The following ANKS1B variants were observed in gnomAD, a reference collection of about 807,000 sequenced individuals.
The protein encoded by ANKS1B is ankyrin repeat and sterile alpha motif domain containing 1B.
Under a neutral mutation model 148.3 loss-of-function variants are expected in ANKS1B, and 36 were observed. The observed-to-expected ratio is 0.24, with a 90% CI of 0.19 to 0.32. ANKS1B has a LOEUF of 0.32. Among genes scored for constraint, ANKS1B ranks in the 10% least tolerant of loss-of-function variants. The pLI is 1.00. For missense variants in ANKS1B, 1,157 were observed against 1,542.6 expected, an observed-to-expected ratio of 0.75 and a Z score of 4.19; for synonymous variants, 542 against 560.8, an observed-to-expected ratio of 0.97 and a Z score of 0.47.
At chr12:98,968,345 TG>T in intron 17 of ANKS1B, among the ~76,000 whole-genome samples, 1 of 152,252 alleles carries the variant, frequency 6.6e-6, no homozygotes, top group Non-Finnish European at 1.5e-5. Context: ...CCAGATCTAC[TG>T]AAACAGAAAC....
intron 24 of ANKS1B, among the ~76,000 whole-genome samples, chr12:98,780,091 G>A (rs866222537): frequency 3.3e-5 from 5 of 152,166 alleles, no homozygotes; most frequent in Admixed American, 6.6e-5. Flanking sequence ...GTCACTGCCC[G>A]TGAGACTTTT....
intron 8 of ANKS1B, among the ~76,000 whole-genome samples, chr12:99,765,725 G>A (rs1367713811): frequency 1.3e-5 from 2 of 152,052 alleles, no homozygotes; most frequent in Admixed American, 6.6e-5. Context: ...TCCCCTCTAC[G>A]TTGACATTTT....
At chr12:99,358,470 A>G (rs2092216362) in intron 12 of ANKS1B, among the ~76,000 whole-genome samples, 1 of 152,112 alleles carries the variant, frequency 6.6e-6, no homozygotes, top group South Asian at 2.1e-4. Flanking sequence ...ATTAAGTTTC[A>G]TAAATTTCTA....
At chr12:99,591,649 A>G (rs1330828554) in intron 9 of ANKS1B, among the ~76,000 whole-genome samples, 2 of 152,096 alleles carry the variant, frequency 1.3e-5, no homozygotes, top group African/African-American at 4.8e-5. Context: ...GGTTACTACT[A>G]AGACCATAAA....
At chr12:99,228,929 C>T (rs927921345) in intron 14 of ANKS1B, among the ~76,000 whole-genome samples, 12 of 151,866 alleles carry the variant, frequency 7.9e-5, no homozygotes, top group South Asian at 4.2e-4. Flanking sequence ...TGTACATATA[C>T]GTCCATATAA....
intron 17 of ANKS1B, among the ~76,000 whole-genome samples, chr12:98,889,350 A>ATT (rs199671576): frequency 3.1e-3 from 455 of 145,686 alleles, no homozygotes; most frequent in African/African-American, 0.01. Context: ...AACCTTTTTT[A>ATT]TTTTTTTTTT....
At chr12:99,283,871 T>C (rs1323648416) in intron 12 of ANKS1B, among the ~76,000 whole-genome samples, 1 of 152,206 alleles carries the variant, frequency 6.6e-6, no homozygotes, top group Non-Finnish European at 1.5e-5. Flanking sequence ...CACAATCTCC[T>C]GCTTTTATTT....
chr12:99,860,645 A>G (rs1283167440), intron 1 of ANKS1B, among the ~76,000 whole-genome samples: 1 of 152,236 alleles, frequency 6.6e-6, no homozygotes, highest in Non-Finnish European at 1.5e-5. Flanking sequence ...ATACAACTCC[A>G]TACATTGTTA....
At chr12:98,946,239 T>G (rs1300764308) in intron 17 of ANKS1B, among the ~76,000 whole-genome samples, 1 of 152,242 alleles carries the variant, frequency 6.6e-6, no homozygotes, top group Non-Finnish European at 1.5e-5. Flanking sequence ...CTAGAACTTC[T>G]GCAGGCATCT....
chr12:99,188,234 A>G (rs1315586086), intron 14 of ANKS1B, among the ~76,000 whole-genome samples: 2 of 152,202 alleles, frequency 1.3e-5, no homozygotes, highest in South Asian at 2.1e-4. Context: ...AGACTCCCAC[A>G]CAATAATAGT....
chr12:99,542,047 T>C (rs1386124933), intron 9 of ANKS1B, among the ~76,000 whole-genome samples: 2 of 152,168 alleles, frequency 1.3e-5, no homozygotes, highest in African/African-American at 4.8e-5. Flanking sequence ...CATTCAACAT[T>C]GTACTGAAGG....
intron 9 of ANKS1B, among the ~76,000 whole-genome samples, chr12:99,631,427 A>G (rs2098160085): frequency 6.6e-6 from 1 of 152,138 alleles, no homozygotes; most frequent in Admixed American, 6.5e-5. Context: ...AGGCTAGAAA[A>G]AGCCTAGATT....
intron 16 of ANKS1B, among the ~76,000 whole-genome samples, chr12:99,059,031 C>T (rs1331808212): frequency 6.6e-6 from 1 of 151,724 alleles, no homozygotes; most frequent in African/African-American, 2.4e-5. Context: ...GCCACCGCGC[C>T]CGGCCAATTC....
intron 9 of ANKS1B, among the ~76,000 whole-genome samples, chr12:99,551,118 A>ATC (rs1032298512): frequency 2.6e-5 from 4 of 152,196 alleles, no homozygotes; most frequent in African/African-American, 9.7e-5. Flanking sequence ...CAAATATGGA[A>ATC]TCAAGAAATT....
chr12:99,014,748 G>A (rs536700654), intron 17 of ANKS1B, among the ~76,000 whole-genome samples: 27 of 152,256 alleles, frequency 1.8e-4, no homozygotes, highest in Non-Finnish European at 3.7e-4. Context: ...AGACATATAT[G>A]TGGCCAACAA....
chr12:99,787,497 C>G (rs547834804), intron 4 of ANKS1B, among the ~76,000 whole-genome samples: 1 of 152,194 alleles, frequency 6.6e-6, no homozygotes, highest in Non-Finnish European at 1.5e-5. Flanking sequence ...TAATAGGAGA[C>G]TTAATTAGGA....
intron 19 of ANKS1B, among the ~76,000 whole-genome samples, chr12:98,826,004 G>A (rs2099246058): frequency 6.6e-6 from 1 of 152,182 alleles, no homozygotes; most frequent in Non-Finnish European, 1.5e-5. Context: ...TTACACATAT[G>A]TGAATGCAAC....
intron 15 of ANKS1B, among the ~76,000 whole-genome samples, chr12:99,139,424 T>C (rs1403804790): frequency 2.1e-4 from 1 of 4,786 alleles, no homozygotes; most frequent in African/African-American, 3.8e-3. Context: ...CTTTCTTTCT[T>C]TCTTTCTTTC....
chr12:99,964,659 A>G (rs1380298137), intron 1 of ANKS1B, among the ~76,000 whole-genome samples: 1 of 152,168 alleles, frequency 6.6e-6, no homozygotes, highest in East Asian at 1.9e-4. Context: ...AGAGGGGAAC[A>G]CCCCAGCATG....
Sources: allele counts gnomAD v4.1 joint callset (sites outside exome capture counted in the v4.1 genomes callset), GRCh38; gene constraint gnomAD v4.1.1; transcripts MANE v1.5; gene names NCBI Gene and HGNC (gene_info 2026-07-23, HGNC 2026-07-21).